Variants in RAP1GAP2 observed in about 807,000 individuals in gnomAD.
RAP1GAP2 encodes RAP1 GTPase activating protein 2, also known as rap1 GTPase-activating protein 2.
Under a neutral mutation model 95.0 loss-of-function variants are expected in RAP1GAP2, and 27 were observed. The observed-to-expected ratio is 0.28, with a 90% CI of 0.21 to 0.39. The LOEUF (loss-of-function observed/expected upper bound fraction) is 0.39, where lower values mean the gene tolerates loss of function less well. RAP1GAP2 is among the 10% of genes least tolerant of loss of function. The pLI is 1.00. For synonymous variants in RAP1GAP2, 373 were observed against 380.9 expected (o/e 0.98, Z 0.24); for missense variants, 771 against 970.0 (o/e 0.79, Z 2.72).
At chr17:2,801,080 C>G (rs1294171143) in intron 2 of RAP1GAP2, among the ~76,000 whole-genome samples, 3 of 151,194 alleles carry the variant, frequency 2.0e-5, no homozygotes, top group Admixed American at 2.0e-4. Context: ...AATCTCTTGA[C>G]GTCATGGTCC....
intron 2 of RAP1GAP2, among the ~76,000 whole-genome samples, chr17:2,901,032 C>T (rs2042010584): frequency 6.6e-6 from 1 of 152,248 alleles, no homozygotes; most frequent in African/African-American, 2.4e-5. Flanking sequence ...AGGGGTCTGT[C>T]TAGCTCCGTC....
chr17:2,935,220 T>C (rs1468503732), intron 3 of RAP1GAP2, among the ~76,000 whole-genome samples: 2 of 152,056 alleles, frequency 1.3e-5, no homozygotes, highest in Non-Finnish European at 2.9e-5. Flanking sequence ...TAAAAGAACA[T>C]ATTCAGGCCA....
At chr17:2,886,029 G>A (rs752173620) in intron 2 of RAP1GAP2, among the ~76,000 whole-genome samples, 30 of 152,010 alleles carry the variant, frequency 2.0e-4, no homozygotes, top group Non-Finnish European at 4.0e-4. Flanking sequence ...TTGAGATGTC[G>A]CATGAGAAGA....
chr17:2,781,211 T>C (rs928120627), intron 1 of RAP1GAP2, among the ~76,000 whole-genome samples: 4 of 152,226 alleles, frequency 2.6e-5, no homozygotes, highest in Admixed American at 6.5e-5. Flanking sequence ...TCTTGGACCA[T>C]GCTGGGCCTG....
Position 2,902,543 on chromosome 17 carries a change from C to A in RAP1GAP2, c.81-2741C>A, listed in dbSNP as rs189949135. ...CCAGTTCAGATGTTTTTGAGGGTGG[C>A]AGTCATGCCTTCTGCCCACCCTGGC... is the stretch of plus-strand genomic sequence containing the variant. On this transcript the variant is annotated intron_variant, in intron 2 of 24. Transcript: ENST00000254695. The surrounding 1 kb of genome is among the most constrained non-coding windows in gnomAD (Gnocchi z 4.1). 1.6e-3 allele frequency among the ~76,000 whole-genome samples: 242 copies of A among 152,260 alleles called. 1 individual carries two copies. The highest frequency in any genetic ancestry group is 2.5e-3 in the Non-Finnish European group (171 of 68,016).
At chr17:2,957,450 G>A (rs1369299507) in intron 3 of RAP1GAP2, among the ~76,000 whole-genome samples, 1 of 152,226 alleles carries the variant, frequency 6.6e-6, no homozygotes, top group Non-Finnish European at 1.5e-5. Context: ...AGGACGATAG[G>A]CGTTTGCAGA....
chr17:2,992,594 G>C (rs2045801653), intron 12 of RAP1GAP2, among the ~76,000 whole-genome samples: 1 of 152,132 alleles, frequency 6.6e-6, no homozygotes, highest in Admixed American at 6.5e-5. Context: ...TTTGTCCTTG[G>C]TGGCTGGCAG....
intron 8 of RAP1GAP2, 47 bp from the exon 9 acceptor site, chr17:2,980,240 C>G (rs1248941159): frequency 6.3e-7 from 1 of 1,595,630 alleles, no homozygotes; most frequent in East Asian, 2.2e-5. Context: ...CCCGCGCCCT[C>G]ACTGACTGTT....
chr17:2,852,840 G>C (rs1039045723), intron 2 of RAP1GAP2, among the ~76,000 whole-genome samples: 2 of 152,174 alleles, frequency 1.3e-5, no homozygotes, highest in Non-Finnish European at 1.5e-5. Flanking sequence ...CCGATGGTAG[G>C]GACCAGGCCA....
At chr17:2,986,589 C>G (rs527999699) in intron 11 of RAP1GAP2, among the ~76,000 whole-genome samples, 1 of 150,944 alleles carries the variant, frequency 6.6e-6, no homozygotes, top group Admixed American at 6.6e-5. Flanking sequence ...TTTTGCAAAC[C>G]TGCAGCTGGG....
At chr17:3,011,851 T>G (rs1015432757) in intron 17 of RAP1GAP2, among the ~76,000 whole-genome samples, 1 of 151,956 alleles carries the variant, frequency 6.6e-6, no homozygotes, top group Non-Finnish European at 1.5e-5. Flanking sequence ...TGACATCAGG[T>G]GATCCGCCCA....
At chr17:3,019,927 G>A (rs888090706) in intron 18 of RAP1GAP2, among the ~76,000 whole-genome samples, 9 of 152,248 alleles carry the variant, frequency 5.9e-5, no homozygotes, top group African/African-American at 1.7e-4. Flanking sequence ...AGCAGAAGGC[G>A]TCTTGGCTGC....
At chr17:2,792,384 G>A (rs888407441), upstream of RAP1GAP2, among the ~76,000 whole-genome samples, 74 of 152,348 alleles carry the variant, frequency 4.9e-4, no homozygotes, top group African/African-American at 1.7e-3. Context: ...CGTGAAGGTG[G>A]TGGCAGCCTC....
chr17:2,769,277 T>C (rs1054662589), intron 1 of RAP1GAP2, among the ~76,000 whole-genome samples: 52 of 100,820 alleles, frequency 5.2e-4, no homozygotes, highest in African/African-American at 1.9e-3. Flanking sequence ...AAAAAAGGTC[T>C]GGGTGCGGTG....
chr17:2,917,704 C>A (rs1458646173), intron 3 of RAP1GAP2, among the ~76,000 whole-genome samples: 1 of 151,744 alleles, frequency 6.6e-6, no homozygotes, highest in Admixed American at 6.6e-5. Context: ...TGTGCCTGGC[C>A]CCCCCGTTTT....
rs374784696 is a variant in RAP1GAP2, at chr17:2,957,802, C to T, written c.201+8C>T. The T allele has an allele frequency of 1.5e-4, 232 of 1,588,128 alleles. No individual in the cohort carries two copies. The highest frequency in any genetic ancestry group is 8.9e-4 in the African/African-American group (66 of 73,780). On this transcript the variant is annotated splice_region_variant and intron_variant, in intron 4 of 24. Coordinates refer to ENST00000254695, the MANE Select transcript of RAP1GAP2 (RefSeq NM_015085.5). ...ATGCTGGAGAAAATGCAGGTGAGTA[C>T]GTACCCCCACCGTGGCGGGGAAGAA...
intron 1 of RAP1GAP2, among the ~76,000 whole-genome samples, chr17:2,766,028 C>G (rs1187669019): frequency 1.3e-5 from 2 of 152,126 alleles, no homozygotes; most frequent in Admixed American, 1.3e-4. Flanking sequence ...CACCCAGCAG[C>G]CAGGATGATC....
intron 1 of RAP1GAP2, chr17:2,755,799 T>A: frequency 2.8e-6 from 1 of 352,166 alleles, no homozygotes; most frequent in Non-Finnish European, 5.1e-6. Flanking sequence ...CGGGGCCTAA[T>A]GCGGGAGCGA....
intron 8 of RAP1GAP2, among the ~76,000 whole-genome samples, chr17:2,971,650 C>G (rs2044871379): frequency 1.3e-5 from 2 of 152,132 alleles, no homozygotes; most frequent in African/African-American, 4.8e-5. Flanking sequence ...AGCAACTTCT[C>G]TGTGTCTCAT....
Sources: allele counts gnomAD v4.1 joint callset (sites outside exome capture counted in the v4.1 genomes callset), GRCh38; gene constraint gnomAD v4.1.1; non-coding constraint Gnocchi (gnomAD v3.1); transcripts MANE v1.5; gene names NCBI Gene and HGNC (gene_info 2026-07-23, HGNC 2026-07-21).